VPS13D: variants seen among roughly 807,000 people sequenced by gnomAD.
VPS13D encodes vacuolar protein sorting 13 homolog D, also known as intermembrane lipid transfer protein VPS13D.
Under a neutral mutation model 461.9 loss-of-function variants are expected in VPS13D, and 187 were observed. The ratio of observed to expected loss-of-function variants is 0.40; its 90% CI spans 0.36 to 0.46. The LOEUF is 0.46. Ranked by LOEUF, VPS13D falls within the 20% of genes least tolerant of loss-of-function variation. The pLI is 0.60. For missense variants in VPS13D, 4,711 were observed against 5,364.9 expected, an observed-to-expected ratio of 0.88 and a Z score of 3.81; for synonymous variants, 1,951 against 1,986.3, an observed-to-expected ratio of 0.98 and a Z score of 0.47.
At chr1:12,374,948 G>T (rs2101635854) in intron 55 of VPS13D, among the ~76,000 whole-genome samples, 1 of 152,306 alleles carries the variant, frequency 6.6e-6, no homozygotes, top group Middle Eastern at 3.4e-3. Context: ...ATGTTGGCCA[G>T]GCTGGTCTGG....
intron 63 of VPS13D, among the ~76,000 whole-genome samples, chr1:12,411,099 C>A (rs1230543777): frequency 6.6e-6 from 1 of 152,064 alleles, no homozygotes; most frequent in Non-Finnish European, 1.5e-5. Context: ...GGAGTTCAGC[C>A]AGTAAAATAA....
intron 67 of VPS13D, among the ~76,000 whole-genome samples, chr1:12,493,482 C>CAAA (rs899634441): frequency 3.6e-5 from 2 of 55,444 alleles, no homozygotes; most frequent in East Asian, 6.3e-4. Flanking sequence ...GACTCCATCT[C>CAAA]AAAAAAAAAA....
chr1:12,346,271 A>C (rs1251204433), intron 43 of VPS13D, among the ~76,000 whole-genome samples: 1 of 152,160 alleles, frequency 6.6e-6, no homozygotes, highest in African/African-American at 2.4e-5. Flanking sequence ...AGTTTCTTAC[A>C]AAAAAACAAA....
intron 52 of VPS13D, among the ~76,000 whole-genome samples, chr1:12,367,468 A>C (rs1644051864): frequency 1.3e-5 from 2 of 152,238 alleles, no homozygotes; most frequent in Admixed American, 1.3e-4. Context: ...AATTTAAGAC[A>C]AAGTGAATAT....
At chr1:12,470,488 C>T (rs1645548781) in intron 67 of VPS13D, among the ~76,000 whole-genome samples, 1 of 152,172 alleles carries the variant, frequency 6.6e-6, no homozygotes, top group Admixed American at 6.5e-5. Context: ...ATCGAGGGCC[C>T]AGTTAATTCA....
intron 65 of VPS13D, among the ~76,000 whole-genome samples, chr1:12,446,053 A>G (rs1645188538): frequency 6.6e-6 from 1 of 152,240 alleles, no homozygotes; most frequent in African/African-American, 2.4e-5. Flanking sequence ...GTTAGAAACA[A>G]TAGCTTAGTT....
At chr1:12,443,718 A>C (rs1645156783) in intron 65 of VPS13D, among the ~76,000 whole-genome samples, 2 of 151,802 alleles carry the variant, frequency 1.3e-5, no homozygotes, top group Admixed American at 6.6e-5. Context: ...AGATCTCTAC[A>C]CATATTTATC....
rs1007051676 is a variant in VPS13D, at chr1:12,311,534, A to G, written c.6731A>G (p.Tyr2244Cys). 1.2e-6 allele frequency: 2 copies of G among 1,614,068 alleles called. No homozygotes were observed. The highest frequency in any genetic ancestry group is 1.7e-6 in the Non-Finnish European group (2 of 1,180,032). Reference protein sequence around the residue: ...SVHCSLDLYKYKLIRGLLENN... With the variant: ...SVHCSLDLYKCKLIRGLLENN... ...CACTGCTCTCTGGATCTGTATAAAT[A>G]CAAGCTGATCCGCGGCTTATTAGAG... Residue 2244 changes from tyrosine (Y) to cysteine (C), a missense_variant, in exon 28 of 70, where the codon TAC becomes TGC. Coordinates refer to ENST00000620676, the MANE Select transcript of VPS13D (RefSeq NM_015378.4).
At chr1:12,401,418 T>G (rs754719310) in intron 61 of VPS13D, among the ~76,000 whole-genome samples, 190 bp from the exon 62 acceptor site, 3 of 152,218 alleles carry the variant, frequency 2.0e-5, no homozygotes, top group Non-Finnish European at 4.4e-5. Context: ...AAACCATCTA[T>G]TAAACATCTT....
chr1:12,478,472 G>A (rs761191873), intron 67 of VPS13D: 17 of 225,778 alleles, frequency 7.5e-5, no homozygotes, highest in East Asian at 3.0e-4. Flanking sequence ...AATACAGCTC[G>A]AGTCTTGTAC....
At chr1:12,389,222 T>G (rs1340386552) in intron 60 of VPS13D, among the ~76,000 whole-genome samples, 2 of 152,194 alleles carry the variant, frequency 1.3e-5, no homozygotes, top group African/African-American at 2.4e-5. Context: ...CCCACCAGAT[T>G]AAGGGTGGAT....
At position 12,327,786 on chromosome 1, in the gene VPS13D, G is replaced by C. The variant is rs1206798824; in HGVS notation, c.8129G>C (p.Ser2710Thr). 1 of 1,614,068 alleles carries C rather than the reference G, an allele frequency of 6.2e-7. No homozygotes were observed. Among genetic ancestry groups the C allele is most frequent in the African/African-American group, 1.3e-5 (1 of 74,916 alleles). Residue 2710 changes from serine to threonine, a missense_variant, in exon 36 of 70, where the codon AGT becomes ACT. Transcript: ENST00000620676. ...TCTGGCGTGGAGATCAAAGCTGAGA[G>C]TGTGTGCATCTGTTTCATCGATGAC... ...LISGVEIKAE[S>T]VCICFIDDCM...
chr1:12,344,685 T>C (rs1435291368), intron 42 of VPS13D, among the ~76,000 whole-genome samples: 1 of 152,232 alleles, frequency 6.6e-6, no homozygotes, highest in Non-Finnish European at 1.5e-5. Context: ...TTTCTGGCTT[T>C]TTCCCCTTTT....
In VPS13D at chr1:12,268,685, T is replaced by C. The variant is rs1445870064; in HGVS notation, c.1802-21T>C. On this transcript the variant is annotated intron_variant, in intron 15 of 69. Coordinates refer to ENST00000620676, the MANE Select transcript of VPS13D (RefSeq NM_015378.4). ...TAGTTTTTGCCTTGTTCCGTGTTCT[T>C]ATTCCTGTTCTTTCCTTTAGCTGCA... The C allele has an allele frequency of 8.7e-6, 14 of 1,608,584 alleles. No homozygotes were observed. In the South Asian group the frequency reaches 1.6e-4, roughly 18 times the overall value.
chr1:12,273,029 G>T lies in VPS13D; in HGVS notation c.2130G>T (p.Arg710=). The part of the protein sequence containing the change: ...FIEESKRWTV[R]LDISAPQVIF... Reference sequence around the variant, plus strand: ...AGGAGAGTAAACGATGGACCGTGCGGCTGGATATTTCTGCCCCTCAGGTGA... The same window carrying T: ...AGGAGAGTAAACGATGGACCGTGCGTCTGGATATTTCTGCCCCTCAGGTGA... The change falls in exon 18 of 70, where the codon CGG becomes CGT. Residue 710 remains arginine, a synonymous_variant. Coordinates refer to ENST00000620676, the MANE Select transcript of VPS13D (RefSeq NM_015378.4). The T allele has an allele frequency of 6.2e-7, 1 of 1,614,080 alleles. No individual in the cohort carries two copies. Among genetic ancestry groups the T allele is most frequent in the South Asian group, 1.1e-5 (1 of 91,072 alleles).
intron 37 of VPS13D, among the ~76,000 whole-genome samples, chr1:12,332,538 G>A (rs1018094505): frequency 6.6e-6 from 1 of 152,092 alleles, no homozygotes; most frequent in Admixed American, 6.5e-5. Flanking sequence ...TCTTAAGAAA[G>A]GTATATATGC....
chr1:12,412,354 A>C (rs964722720), intron 63 of VPS13D, among the ~76,000 whole-genome samples: 5 of 152,210 alleles, frequency 3.3e-5, no homozygotes, highest in Admixed American at 1.3e-4. Flanking sequence ...AGCTAAGGTA[A>C]CCCTGGAGAA....
rs369517855 is a variant in VPS13D at position 12,327,381 on chromosome 1, G to A, written c.7991-267G>A. 3.0e-4 allele frequency among the ~76,000 whole-genome samples: 45 copies of A among 152,298 alleles called. 3 individuals carry two copies. Among genetic ancestry groups the A allele is most frequent in the Admixed American group, 2.1e-3 (32 of 15,292 alleles). On this transcript the variant is annotated intron_variant, in intron 35 of 69. Transcript: ENST00000620676. ...TCCTGGAGGCATTTTGGGCCAGATC[G>A]TGAAAGGTGTGGTAAATTTGAGTGG...
intron 6 of VPS13D, among the ~76,000 whole-genome samples, chr1:12,249,997 T>TCTGACTA (rs1220903941): frequency 6.6e-6 from 1 of 152,214 alleles, no homozygotes. Flanking sequence ...GACCGGTGCT[T>TCTGACTA]CTGACTAGAA....
Sources: gnomAD v4.1 joint callset for allele counts (sites outside exome capture counted in the v4.1 genomes callset) on GRCh38, gnomAD v4.1.1 for gene constraint, MANE v1.5 for transcripts, NCBI Gene and HGNC (gene_info 2026-07-23, HGNC 2026-07-21) for gene names.